The following INO80 variants were observed in gnomAD, a reference collection of about 807,000 sequenced individuals.
INO80 encodes the protein chromatin-remodeling ATPase INO80.
In INO80, 20 loss-of-function variants were observed where a neutral mutation model predicts 203.4. That is an observed-to-expected ratio of 0.10 (90% CI 0.07 to 0.14). The LOEUF is 0.14. Among genes scored for constraint, INO80 ranks in the 10% least tolerant of loss-of-function variants. The pLI is 1.00. For synonymous variants in INO80, 726 were observed against 685.2 expected (o/e 1.06, Z -0.93); for missense variants, 1,419 against 1,914.4 (o/e 0.74, Z 4.83).
At chr15:40,992,584 G>A (rs1287868441) in intron 29 of INO80, among the ~76,000 whole-genome samples, 2 of 152,056 alleles carry the variant, frequency 1.3e-5, no homozygotes, top group African/African-American at 4.8e-5. Context: ...TAAATCTCAG[G>A]GCAAAGGAAA....
At chr15:41,094,047 T>C (rs2045683318) in intron 4 of INO80, among the ~76,000 whole-genome samples, 3 of 152,194 alleles carry the variant, frequency 2.0e-5, no homozygotes, top group Admixed American at 2.0e-4. Flanking sequence ...AGGGTTTTAA[T>C]TGCTTTTGAG....
intron 1 of INO80, 135 bp from the exon 2 acceptor site, chr15:41,096,488 A>C (rs971165012): frequency 3.9e-6 from 2 of 508,990 alleles, no homozygotes; most frequent in Non-Finnish European, 6.4e-6. Context: ...GTCTGCAGAA[A>C]GATCATGATA....
intron 30 of INO80, 135 bp downstream of exon 30, chr15:40,987,681 T>G (rs887246116): frequency 2.3e-6 from 2 of 868,924 alleles, no homozygotes; most frequent in African/African-American, 3.4e-5. Context: ...GATTTTATTT[T>G]CTATTCAGAA....
chr15:40,992,050 A>G (rs2043823941), intron 29 of INO80, among the ~76,000 whole-genome samples: 1 of 152,212 alleles, frequency 6.6e-6, no homozygotes, highest in Non-Finnish European at 1.5e-5. Context: ...TGCTGGGATT[A>G]CAGGCGTGAG....
chr15:40,999,589 T>C (rs2043930361), intron 28 of INO80: 1 of 152,244 alleles, frequency 6.6e-6, no homozygotes, highest in Non-Finnish European at 1.5e-5. Context: ...TACTAGCTTA[T>C]CCTTAAATTT....
intron 28 of INO80, among the ~76,000 whole-genome samples, chr15:40,998,263 C>T (rs1332879014): frequency 4.6e-5 from 7 of 151,884 alleles, no homozygotes; most frequent in Non-Finnish European, 5.9e-5. Flanking sequence ...CCTCGTGATC[C>T]GCCCGCCTCG....
chr15:41,084,379 G>A (rs1318133252), intron 7 of INO80, among the ~76,000 whole-genome samples: 1 of 152,004 alleles, frequency 6.6e-6, no homozygotes, highest in African/African-American at 2.4e-5. Context: ...GGCCAACATG[G>A]TGAAACCCCA....
At chr15:40,993,912 AT>A (rs563164595) in intron 29 of INO80, among the ~76,000 whole-genome samples, 1 of 151,944 alleles carries the variant, frequency 6.6e-6, no homozygotes, top group East Asian at 1.9e-4. Context: ...GTAGCATTTC[AT>A]TTTTTTCTCC....
chr15:41,051,263 T>C (rs138261704), intron 19 of INO80, among the ~76,000 whole-genome samples: 45 of 151,978 alleles, frequency 3.0e-4, no homozygotes, highest in African/African-American at 9.7e-4. Flanking sequence ...CATATTTCGA[T>C]GTTACTCTAT....
At chr15:41,051,873 G>A (rs1034457819) in intron 19 of INO80, among the ~76,000 whole-genome samples, 1 of 152,064 alleles carries the variant, frequency 6.6e-6, no homozygotes, top group Admixed American at 6.5e-5. Flanking sequence ...CAGGCGAGTC[G>A]CTTGAATCCG....
chr15:41,001,060 A>T (rs2140432519), intron 28 of INO80, among the ~76,000 whole-genome samples: 1 of 152,350 alleles, frequency 6.6e-6, no homozygotes, highest in East Asian at 1.9e-4. Context: ...ACTGCTGTAA[A>T]AAACAAAAGT....
rs1254526760 is a variant in INO80 at position 41,114,641 on chromosome 15, G to A, written c.-44+1332C>T. 2.7e-4 allele frequency among the ~76,000 whole-genome samples: 41 copies of A among 151,692 alleles called. 1 individual carries two copies. Among genetic ancestry groups the A allele is most frequent in the African/African-American group, 3.9e-4 (16 of 41,238 alleles). Reference sequence around the variant, plus strand: ...CGAGAAGTGCTTGAACCTGGGAGGCGGAGGTCGCAGTGAGTCGGGACCCCG... The same window carrying A: ...CGAGAAGTGCTTGAACCTGGGAGGCAGAGGTCGCAGTGAGTCGGGACCCCG... On this transcript the variant is annotated intron_variant, in intron 1 of 35. Coordinates refer to ENST00000648947, the MANE Select transcript of INO80 (RefSeq NM_017553.3).
In INO80 at chr15:40,983,934, G is replaced by A. The variant is rs755949257; in HGVS notation, c.4078-13C>T. On this transcript the variant is annotated splice_polypyrimidine_tract_variant and intron_variant, in intron 33 of 35. Coordinates refer to ENST00000648947, the MANE Select transcript of INO80 (RefSeq NM_017553.3). ...TGCTGATGGAGATCTAGAAGAGGAAGGGTTAAGATCATTACGACCCCCTGT... is the reference window on the plus strand; with the variant it reads ...TGCTGATGGAGATCTAGAAGAGGAAAGGTTAAGATCATTACGACCCCCTGT... The A allele has an allele frequency of 6.2e-7, 1 of 1,612,628 alleles. No homozygotes were observed. The highest frequency in any genetic ancestry group is 1.1e-5 in the South Asian group (1 of 91,038).
At chr15:41,055,477 T>G (rs1352557904) in intron 17 of INO80, 113 bp from the exon 18 acceptor site, 1 of 448,080 alleles carries the variant, frequency 2.2e-6, no homozygotes, top group African/African-American at 2.0e-5. Flanking sequence ...CCTAGATGCA[T>G]GTGTATGTGT....
At chr15:41,104,405 C>A (rs1287283808) in intron 1 of INO80, among the ~76,000 whole-genome samples, 1 of 152,032 alleles carries the variant, frequency 6.6e-6, no homozygotes, top group African/African-American at 2.4e-5. Flanking sequence ...GCTGCCCTGC[C>A]AACAGCTTCA....
intron 26 of INO80, chr15:41,016,657 T>C (rs1221727096): frequency 1.3e-5 from 2 of 152,694 alleles, no homozygotes; most frequent in East Asian, 3.8e-4. Context: ...TACCTGCCTT[T>C]GGAGAAAAGT....
intron 5 of INO80, among the ~76,000 whole-genome samples, chr15:41,088,336 T>TCTCAGTGTCAGCCCAC (rs1180755086): frequency 3.8e-4 from 58 of 152,078 alleles, no homozygotes; most frequent in African/African-American, 1.3e-3. Context: ...GGTCAGCCCA[T>TCTCAGTGTCAGCCCAC]CTCAGTGTCA....
chr15:41,009,354 G>A, intron 27 of INO80, among the ~76,000 whole-genome samples: 1 of 149,220 alleles, frequency 6.7e-6, no homozygotes, highest in African/African-American at 2.5e-5. Context: ...CTAGCATTAG[G>A]TATATCTCCC....
intron 10 of INO80, among the ~76,000 whole-genome samples, chr15:41,074,082 C>T (rs2045364635): frequency 6.6e-6 from 1 of 152,052 alleles, no homozygotes; most frequent in South Asian, 2.1e-4. Flanking sequence ...CAGTTCAGTT[C>T]TACTGAACTG....
Sources: gnomAD v4.1 joint callset for allele counts (sites outside exome capture counted in the v4.1 genomes callset) on GRCh38, gnomAD v4.1.1 for gene constraint, MANE v1.5 for transcripts, NCBI Gene and HGNC (gene_info 2026-07-23, HGNC 2026-07-21) for gene names.